SKAP1: variants seen among roughly 807,000 people sequenced by gnomAD.
The protein encoded by SKAP1 is src kinase associated phosphoprotein 1, also known as src kinase-associated phosphoprotein 1.
Under a neutral mutation model 58.5 loss-of-function variants are expected in SKAP1, and 44 were observed. That is an observed-to-expected ratio of 0.75 (90% CI 0.59 to 0.97). The LOEUF is 0.97. Among genes scored for constraint, SKAP1 ranks in the 50% least tolerant of loss-of-function variants. SKAP1 has a pLI of 0.00. For synonymous variants in SKAP1, 127 were observed against 149.7 expected (o/e 0.85, Z 1.11); for missense variants, 390 against 435.2 (o/e 0.90, Z 0.92).
intron 4 of SKAP1, among the ~76,000 whole-genome samples, chr17:48,314,326 C>T (rs910539304): frequency 6.6e-6 from 1 of 152,126 alleles, no homozygotes; most frequent in African/African-American, 2.4e-5. Flanking sequence ...GGACAAAAGA[C>T]TTGGAAAGAA....
intron 4 of SKAP1, among the ~76,000 whole-genome samples, chr17:48,343,499 T>C (rs7218892): frequency 0.025 from 3,771 of 152,264 alleles, 142 homozygotes; most frequent in African/African-American, 0.084. Context: ...GTTTTTAACA[T>C]AGAAATAGGT....
chr17:48,296,126 T>A (rs555195078), intron 4 of SKAP1, among the ~76,000 whole-genome samples: 1 of 152,112 alleles, frequency 6.6e-6, no homozygotes, highest in African/African-American at 2.4e-5. Context: ...GGGAATTGTA[T>A]GAACTTTTGA....
At chr17:48,419,789 T>A (rs1014738050) in intron 1 of SKAP1, among the ~76,000 whole-genome samples, 3 of 152,162 alleles carry the variant, frequency 2.0e-5, no homozygotes, top group Admixed American at 6.5e-5. Flanking sequence ...AAGCGTCTAT[T>A]ATTTGAATAA....
chr17:48,265,320 A>G (rs2065532496), intron 4 of SKAP1, among the ~76,000 whole-genome samples: 1 of 152,132 alleles, frequency 6.6e-6, no homozygotes, highest in Admixed American at 6.5e-5. Context: ...CCTGGCCAAC[A>G]TGGTGAAACC....
At chr17:48,407,908 A>C (rs573335704) in intron 1 of SKAP1, among the ~76,000 whole-genome samples, 120 of 152,032 alleles carry the variant, frequency 7.9e-4, no homozygotes, top group African/African-American at 2.8e-3. Flanking sequence ...GTGTAAGTGT[A>C]AGAGCTGGAA....
intron 4 of SKAP1, among the ~76,000 whole-genome samples, chr17:48,190,689 A>G (rs1466098150): frequency 1.3e-5 from 2 of 152,128 alleles, no homozygotes; most frequent in African/African-American, 4.8e-5. Flanking sequence ...TGATTTCTTA[A>G]AAGTCTGAGA....
At chr17:48,232,825 T>A (rs1002727682) in intron 4 of SKAP1, among the ~76,000 whole-genome samples, 5 of 152,204 alleles carry the variant, frequency 3.3e-5, no homozygotes, top group African/African-American at 1.2e-4. Flanking sequence ...GGACACTGCC[T>A]GCATAGGAAA....
intron 4 of SKAP1, among the ~76,000 whole-genome samples, chr17:48,283,599 C>T (rs1349921819): frequency 6.6e-6 from 1 of 152,184 alleles, no homozygotes; most frequent in African/African-American, 2.4e-5. Flanking sequence ...TTCACTCTAA[C>T]TATAATCTAG....
intron 4 of SKAP1, among the ~76,000 whole-genome samples, chr17:48,305,377 C>T (rs1164328631): frequency 6.6e-6 from 1 of 152,128 alleles, no homozygotes; most frequent in Non-Finnish European, 1.5e-5. Context: ...TGGAACACAG[C>T]CACAATCATC....
intron 6 of SKAP1, among the ~76,000 whole-genome samples, chr17:48,186,323 A>C (rs527621123): frequency 6.6e-6 from 1 of 152,144 alleles, no homozygotes; most frequent in East Asian, 1.9e-4. Flanking sequence ...CTTTGCCCCT[A>C]GATGCGAAAT....
chr17:48,134,194 G>T (rs2063671622), intron 12 of SKAP1, among the ~76,000 whole-genome samples: 1 of 151,948 alleles, frequency 6.6e-6, no homozygotes, highest in Non-Finnish European at 1.5e-5. Context: ...AAACATTTAG[G>T]TCATTTCCAA....
At chr17:48,286,077 T>C (rs1370397512) in intron 4 of SKAP1, among the ~76,000 whole-genome samples, 1 of 152,216 alleles carries the variant, frequency 6.6e-6, no homozygotes, top group African/African-American at 2.4e-5. Context: ...GTGACTCAGC[T>C]TGGGGAAAAG....
chr17:48,247,321 A>G (rs1237179984), intron 4 of SKAP1, among the ~76,000 whole-genome samples: 1 of 152,198 alleles, frequency 6.6e-6, no homozygotes, highest in Non-Finnish European at 1.5e-5. Context: ...ATGATAACGA[A>G]GGCAAATAGC....
chr17:48,372,134 G>C (rs114613497), intron 2 of SKAP1, among the ~76,000 whole-genome samples: 128 of 152,074 alleles, frequency 8.4e-4, no homozygotes, highest in African/African-American at 3.1e-3. Flanking sequence ...ACCATACCCA[G>C]TTAATTTTTT....
At chr17:48,243,939 C>T (rs1047449376) in intron 4 of SKAP1, among the ~76,000 whole-genome samples, 24 of 151,880 alleles carry the variant, frequency 1.6e-4, no homozygotes, top group African/African-American at 4.6e-4. Context: ...TAAATGTCTC[C>T]TCCTCTAAGA....
intron 11 of SKAP1, among the ~76,000 whole-genome samples, chr17:48,147,471 T>G (rs1311402503): frequency 6.6e-6 from 1 of 152,210 alleles, no homozygotes; most frequent in Non-Finnish European, 1.5e-5. Context: ...TCTTAGAATA[T>G]CATACCCTAT....
At chr17:48,336,108 T>C (rs2066565413) in intron 4 of SKAP1, among the ~76,000 whole-genome samples, 1 of 152,160 alleles carries the variant, frequency 6.6e-6, no homozygotes, top group Non-Finnish European at 1.5e-5. Flanking sequence ...CTGATCTCTT[T>C]CAAGGTCTAT....
At chr17:48,414,223 C>T (rs777643253) in intron 1 of SKAP1, among the ~76,000 whole-genome samples, 8 of 152,002 alleles carry the variant, frequency 5.3e-5, no homozygotes, top group Admixed American at 3.3e-4. Flanking sequence ...CACCTAGTCT[C>T]GAGGGGAAGG....
chr17:48,406,355 G>A (rs1443785781), intron 1 of SKAP1, among the ~76,000 whole-genome samples: 1 of 151,124 alleles, frequency 6.6e-6, no homozygotes, highest in Non-Finnish European at 1.5e-5. Flanking sequence ...ATTAAACACT[G>A]AATTACAGGA....
Sources: gnomAD v4.1 joint callset for allele counts (sites outside exome capture counted in the v4.1 genomes callset) on GRCh38, gnomAD v4.1.1 for gene constraint, MANE v1.5 for transcripts, NCBI Gene and HGNC (gene_info 2026-07-23, HGNC 2026-07-21) for gene names.